The following RSPH10B variants were observed in gnomAD, a reference collection of about 807,000 sequenced individuals.
RSPH10B encodes the protein radial spoke head 10 homolog B, also known as radial spoke head 10 homolog B (Chlamydomonas).
RSPH10B carries 7 observed loss-of-function variants against 52.5 expected under a neutral mutation model. The ratio of observed to expected loss-of-function variants is 0.13; its 90% confidence interval spans 0.08 to 0.25. The LOEUF (loss-of-function observed/expected upper bound fraction) is 0.25. RSPH10B is among the 10% of genes least tolerant of loss of function. RSPH10B has a pLI of 1.00. For missense variants in RSPH10B, 89 were observed against 542.5 expected (o/e 0.16, Z 8.30); for synonymous variants, 28 against 193.2 (o/e 0.14, Z 7.09).
chr7:5,926,970 G>C (rs1219871894), intron 18 of RSPH10B, among the ~76,000 whole-genome samples: 2 of 150,882 alleles, frequency 1.3e-5, no homozygotes, highest in Admixed American at 1.3e-4. Flanking sequence ...GGCCAGGCTG[G>C]TCTCAAACTC....
intron 16 of RSPH10B, among the ~76,000 whole-genome samples, chr7:5,933,491 G>A (rs1779875267): frequency 7.2e-6 from 1 of 139,156 alleles, no homozygotes; most frequent in African/African-American, 2.5e-5. Context: ...TAGGCGTGGT[G>A]GCTCATGCCT....
chr7:5,961,462 C>T (rs1780943550), intron 3 of RSPH10B, among the ~76,000 whole-genome samples: 1 of 119,900 alleles, frequency 8.3e-6, no homozygotes, highest in Non-Finnish European at 1.9e-5. Context: ...GCCTCAGCCT[C>T]CCAAGTAGCT....
exon 18 of RSPH10B, chr7:5,928,367 C>A (rs370666026): frequency 6.2e-7 from 1 of 1,613,256 alleles, no homozygotes; most frequent in Non-Finnish European, 8.5e-7. Context: ...CTCTTCCTCT[C>A]GATCATCCTT....
chr7:5,938,348 A>G (rs1263458999), intron 14 of RSPH10B, among the ~76,000 whole-genome samples: 2 of 118,934 alleles, frequency 1.7e-5, no homozygotes, highest in East Asian at 4.1e-4. Context: ...CAGGTGGATC[A>G]CGAGGTCAGG....
At chr7:5,933,401 C>CAA (rs111920150) in intron 16 of RSPH10B, among the ~76,000 whole-genome samples, 7 of 105,406 alleles carry the variant, frequency 6.6e-5, no homozygotes, top group East Asian at 2.2e-4. Flanking sequence ...GAAAGCCTCT[C>CAA]AAAAAAAAAC....
intron 17 of RSPH10B, among the ~76,000 whole-genome samples, chr7:5,928,719 C>T (rs1174120869): frequency 6.7e-6 from 1 of 149,756 alleles, no homozygotes; most frequent in Non-Finnish European, 1.5e-5. Flanking sequence ...GCAACCTCCA[C>T]CTCCTGGGTT....
intron 7 of RSPH10B, among the ~76,000 whole-genome samples, chr7:5,954,898 C>T (rs907622942): frequency 2.5e-5 from 2 of 80,302 alleles, no homozygotes; most frequent in Admixed American, 1.5e-4. Flanking sequence ...AGCATAGTGG[C>T]TCATGCCTGT....
At chr7:5,927,048 T>TGTGTGTGTGTGTGTGTGTGTGTG (rs1347951159) in intron 18 of RSPH10B, among the ~76,000 whole-genome samples, 1 of 70,834 alleles carries the variant, frequency 1.4e-5, no homozygotes, top group African/African-American at 4.3e-5. Flanking sequence ...TGTGTGTGTA[T>TGTGTGTGTGTGTGTGTGTGTGTG]TATGTGTGTG....
At chr7:5,957,022 T>A (rs1340140204) in intron 6 of RSPH10B, among the ~76,000 whole-genome samples, 54 of 20,390 alleles carry the variant, frequency 2.6e-3, no homozygotes, top group African/African-American at 7.9e-3. Context: ...AAAAAAAAAA[T>A]TATTTTTTTA....
At chr7:5,944,205 T>G (rs1431675796) in intron 11 of RSPH10B, among the ~76,000 whole-genome samples, 1 of 151,118 alleles carries the variant, frequency 6.6e-6, no homozygotes, top group Non-Finnish European at 1.5e-5. Context: ...AAGACCAGCC[T>G]GGCCAACATG....
intron 3 of RSPH10B, among the ~76,000 whole-genome samples, chr7:5,964,142 TA>T (rs1439772103): frequency 1.4e-5 from 2 of 142,664 alleles, no homozygotes; most frequent in African/African-American, 5.1e-5. Flanking sequence ...TGTGTGTTTG[TA>T]AAAAGCAAGA....
chr7:5,933,040 C>A (rs1779853368), intron 16 of RSPH10B, among the ~76,000 whole-genome samples, 165 bp from the exon 19 acceptor site: 1 of 30,106 alleles, frequency 3.3e-5, no homozygotes, highest in East Asian at 4.4e-4. Flanking sequence ...TTTTTTGAGA[C>A]AGAGTCTTGC....
chr7:5,968,104 TC>T (rs1417094297), upstream of RSPH10B, among the ~76,000 whole-genome samples: 1 of 152,286 alleles, frequency 6.6e-6, no homozygotes, highest in Non-Finnish European at 1.5e-5. Context: ...TAAAAGCCCC[TC>T]TCTGGCCGGA....
At chr7:5,943,500 T>G in intron 12 of RSPH10B, 28 bp from the exon 15 acceptor site, 1 of 1,608,268 alleles carries the variant, frequency 6.2e-7, no homozygotes, top group Non-Finnish European at 8.5e-7. Context: ...GAAAAATGAT[T>G]ACAGATTTAT....
chr7:5,927,071 TGTGTGTGTGTG>T (rs1562553318), intron 18 of RSPH10B, among the ~76,000 whole-genome samples: 7 of 26,550 alleles, frequency 2.6e-4, no homozygotes, highest in African/African-American at 9.2e-4. Flanking sequence ...TGTGTGTATA[TGTGTGTGTGTG>T]TGTGTGTGTG....
At chr7:5,955,150 G>A (rs1780709213) in intron 7 of RSPH10B, among the ~76,000 whole-genome samples, 1 of 139,212 alleles carries the variant, frequency 7.2e-6, no homozygotes. Flanking sequence ...GGGCAACAGA[G>A]CGAAACTCTG....
chr7:5,950,287 T>C (rs1780543691), intron 9 of RSPH10B, among the ~76,000 whole-genome samples: 1 of 151,846 alleles, frequency 6.6e-6, no homozygotes. Context: ...GAAGCAATAT[T>C]CCGCCAGGTG....
intron 13 of RSPH10B, among the ~76,000 whole-genome samples, chr7:5,941,608 G>C (rs150717320): frequency 6.8e-6 from 1 of 147,174 alleles, no homozygotes. Flanking sequence ...ACTTGGCATG[G>C]TCATGCACGC....
At chr7:5,944,393 A>G (rs1780380958) in intron 11 of RSPH10B, among the ~76,000 whole-genome samples, 1 of 150,840 alleles carries the variant, frequency 6.6e-6, no homozygotes, top group Non-Finnish European at 1.5e-5. Flanking sequence ...GCGAGATTCC[A>G]TCTCAAAAAA....
Sources: gnomAD v4.1 joint callset for allele counts (sites outside exome capture counted in the v4.1 genomes callset) on GRCh38, gnomAD v4.1.1 for gene constraint, MANE v1.5 for transcripts, NCBI Gene and HGNC (gene_info 2026-07-23, HGNC 2026-07-21) for gene names.